Variants in GRIK2 observed in about 807,000 individuals in gnomAD.
GRIK2 encodes glutamate ionotropic receptor kainate type subunit 2, also known as glutamate receptor ionotropic, kainate 2.
In GRIK2, 32 loss-of-function variants were observed where a neutral mutation model predicts 100.3. The observed-to-expected ratio is 0.32, with a 90% CI of 0.24 to 0.43. GRIK2 has a LOEUF of 0.43. Ranked by LOEUF, GRIK2 falls within the 20% of genes least tolerant of loss-of-function variation. The pLI, the probability that GRIK2 is intolerant of heterozygous loss-of-function variation, is 1.00. For missense variants in GRIK2, 843 were observed against 1,114.9 expected (o/e 0.76, Z 3.47); for synonymous variants, 417 against 389.4 (o/e 1.07, Z -0.83).
rs150780790 is a variant in GRIK2 at position 101,867,207 on chromosome 6, C to T, written c.1524+7714C>T. Among the ~76,000 whole-genome samples, 408 of 152,050 alleles carry T rather than the reference C, an allele frequency of 2.7e-3. 5 individuals are homozygous for T. Among genetic ancestry groups the T allele is most frequent in the African/African-American group, 8.0e-3 (332 of 41,434 alleles). On this transcript the variant is annotated intron_variant, in intron 11 of 16. Transcript: ENST00000369134. Reference sequence around the variant, plus strand: ...TTTCTGAAGCAGTACCTCCCCCCAACACACCAAATTCTGCTACAACATGTA... The same window carrying T: ...TTTCTGAAGCAGTACCTCCCCCCAATACACCAAATTCTGCTACAACATGTA...
chr6:101,906,585 T>A (rs1788247207), intron 12 of GRIK2, among the ~76,000 whole-genome samples: 1 of 151,660 alleles, frequency 6.6e-6, no homozygotes, highest in African/African-American at 2.4e-5. Context: ...TGCTATTCAA[T>A]TAGTCCACCT....
chr6:101,542,845 CTTTT>C (rs1415285931), intron 2 of GRIK2, among the ~76,000 whole-genome samples: 1 of 151,880 alleles, frequency 6.6e-6, no homozygotes, highest in Non-Finnish European at 1.5e-5. Context: ...TAATTATGCC[CTTTT>C]TTTGTTTTGA....
intron 10 of GRIK2, among the ~76,000 whole-genome samples, chr6:101,844,272 AT>A (rs1484354622): frequency 6.6e-6 from 1 of 152,204 alleles, no homozygotes; most frequent in East Asian, 1.9e-4. Flanking sequence ...TAAGGGGAAA[AT>A]TATCTTATTT....
chr6:102,000,370 A>C lies in GRIK2; in HGVS notation c.2086-34971A>C, dbSNP rs140707450. Among the ~76,000 whole-genome samples, 185 of 149,336 alleles carry C rather than the reference A, an allele frequency of 1.2e-3. 1 individual carries two copies. The highest frequency in any genetic ancestry group is 8.0e-3 in the South Asian group (38 of 4,734). Reference sequence around the variant, plus strand: ...TGAAGTTTAGGGTAATGGTCCTATCACCTGGGTAGTGAGCATAGTACCCAA... The same window carrying C: ...TGAAGTTTAGGGTAATGGTCCTATCCCCTGGGTAGTGAGCATAGTACCCAA... On this transcript the variant is annotated intron_variant, in intron 14 of 16. Transcript: ENST00000369134.
intron 2 of GRIK2, among the ~76,000 whole-genome samples, chr6:101,400,418 G>A (rs1341056117): frequency 6.6e-6 from 1 of 152,118 alleles, no homozygotes; most frequent in Non-Finnish European, 1.5e-5. Flanking sequence ...ACTAGTCAGG[G>A]AAAGTTCCCT....
chr6:102,006,386 A>ATTT (rs201845048), intron 14 of GRIK2, among the ~76,000 whole-genome samples: 3 of 111,188 alleles, frequency 2.7e-5, no homozygotes, highest in South Asian at 2.4e-4. Flanking sequence ...ATATATATAT[A>ATTT]TATATTTTTT....
intron 2 of GRIK2, among the ~76,000 whole-genome samples, chr6:101,437,049 A>G (rs2128244928): frequency 6.6e-6 from 1 of 151,612 alleles, no homozygotes; most frequent in East Asian, 1.9e-4. Flanking sequence ...TATTTATACT[A>G]TTTTGTAAAC....
chr6:101,593,693 A>C (rs1212685167), intron 2 of GRIK2, among the ~76,000 whole-genome samples: 9 of 151,880 alleles, frequency 5.9e-5, no homozygotes, highest in Non-Finnish European at 1.3e-4. Context: ...GGTGTTATAG[A>C]TTACGCTGCC....
Position 101,853,390 on chromosome 6 carries a change from C to T in GRIK2, c.1318-5897C>T, listed in dbSNP as rs775506603. ...ACAAATTAAAACAACAATGAGACAT[C>T]ACCGTATACCCTCAAGAATGGCCAA... On this transcript the variant is annotated intron_variant, in intron 10 of 16. Transcript: ENST00000369134. Among the ~76,000 whole-genome samples, 67 of 152,132 alleles carry T rather than the reference C, an allele frequency of 4.4e-4. 1 individual carries two copies. Among genetic ancestry groups the T allele is most frequent in the Non-Finnish European group, 1.9e-4 (13 of 68,012 alleles).
chr6:101,665,353 A>G (rs1187068361), intron 4 of GRIK2, among the ~76,000 whole-genome samples: 1 of 152,200 alleles, frequency 6.6e-6, no homozygotes, highest in East Asian at 1.9e-4. Flanking sequence ...ATTTTCTATG[A>G]AAAGACTGGT....
chr6:101,561,675 G>GA (rs1163863195), intron 2 of GRIK2, among the ~76,000 whole-genome samples: 1 of 152,036 alleles, frequency 6.6e-6, no homozygotes, highest in Non-Finnish European at 1.5e-5. Flanking sequence ...TACACTGGAG[G>GA]AAAAATCTGC....
intron 2 of GRIK2, among the ~76,000 whole-genome samples, chr6:101,534,888 G>C (rs891574701): frequency 1.3e-5 from 2 of 150,610 alleles, no homozygotes; most frequent in Non-Finnish European, 3.0e-5. Flanking sequence ...CTCTAAACCA[G>C]TAGGTTTATA....
chr6:101,521,819 A>G (rs1214438091), intron 2 of GRIK2, among the ~76,000 whole-genome samples: 1 of 152,000 alleles, frequency 6.6e-6, no homozygotes, highest in Non-Finnish European at 1.5e-5. Flanking sequence ...GAAGATAGGA[A>G]ATAACCAAAT....
chr6:101,906,736 A>G (rs1331583758), intron 12 of GRIK2, among the ~76,000 whole-genome samples: 1 of 151,630 alleles, frequency 6.6e-6, no homozygotes, highest in Admixed American at 6.6e-5. Context: ...AAAACAATAC[A>G]CCGGAGTACA....
At chr6:101,457,974 A>G (rs1035742169) in intron 2 of GRIK2, among the ~76,000 whole-genome samples, 5 of 152,188 alleles carry the variant, frequency 3.3e-5, no homozygotes, top group African/African-American at 1.2e-4. Context: ...CTTGGAAAGT[A>G]AATTACTTTA....
intron 11 of GRIK2, among the ~76,000 whole-genome samples, chr6:101,882,998 A>T (rs2128454273): frequency 6.6e-6 from 1 of 151,852 alleles, no homozygotes; most frequent in Non-Finnish European, 1.5e-5. Flanking sequence ...TGCACATAAA[A>T]AATCTCATTT....
At chr6:101,974,404 G>T (rs1793242287) in intron 14 of GRIK2, among the ~76,000 whole-genome samples, 1 of 151,914 alleles carries the variant, frequency 6.6e-6, no homozygotes, top group South Asian at 2.1e-4. Flanking sequence ...GGCATATGTT[G>T]AATGCTAGCT....
At chr6:101,569,147 A>G (rs548670142) in intron 2 of GRIK2, among the ~76,000 whole-genome samples, 5 of 152,174 alleles carry the variant, frequency 3.3e-5, no homozygotes, top group African/African-American at 1.2e-4. Context: ...TGTTATTCTG[A>G]GTCCTTTGTA....
At chr6:101,821,587 G>GTTTCTAAAAGATCCTAATAT (rs1781950071) in intron 10 of GRIK2, among the ~76,000 whole-genome samples, 1 of 151,818 alleles carries the variant, frequency 6.6e-6, no homozygotes, top group Non-Finnish European at 1.5e-5. Flanking sequence ...CCAACTACTT[G>GTTTCTAAAAGATCCTAATAT]TTTCTAAAAG....
Sources: gnomAD v4.1 joint callset for allele counts (sites outside exome capture counted in the v4.1 genomes callset) on GRCh38, gnomAD v4.1.1 for gene constraint, MANE v1.5 for transcripts, NCBI Gene and HGNC (gene_info 2026-07-23, HGNC 2026-07-21) for gene names.